The following TKT variants were observed in gnomAD, a reference collection of about 807,000 sequenced individuals.
TKT encodes the protein epididymis luminal protein 107.
In TKT, 47 loss-of-function variants were observed where a neutral mutation model predicts 63.9. The ratio of observed to expected loss-of-function variants is 0.74; its 90% confidence interval spans 0.58 to 0.94. TKT has a LOEUF of 0.94. Among genes scored for constraint, TKT ranks in the 40% least tolerant of loss-of-function variants. The probability of loss-of-function intolerance (pLI) is 0.00; values close to 1 mark genes in which losing one functional copy is unlikely to be tolerated. For missense variants in TKT, 721 were observed against 846.2 expected, an observed-to-expected ratio of 0.85 and a Z score of 1.84; for synonymous variants, 338 against 334.1, an observed-to-expected ratio of 1.01 and a Z score of -0.13.
At chr3:53,234,915 T>C (rs1553678130) in intron 5 of TKT, 68 bp downstream of exon 5, 3 of 1,486,162 alleles carry the variant, frequency 2.0e-6, no homozygotes, top group Non-Finnish European at 1.8e-6. Context: ...CACCTGCACC[T>C]GCAAAGCTGT....
chr3:53,250,091 G>A (rs1195250492), intron 1 of TKT, among the ~76,000 whole-genome samples: 4 of 152,206 alleles, frequency 2.6e-5, no homozygotes, highest in African/African-American at 9.7e-5. Flanking sequence ...GCCCTGCAGA[G>A]GAGAGGTCAC....
intron 5 of TKT, chr3:53,233,827 T>C (rs1027247621): frequency 3.9e-5 from 6 of 152,270 alleles, no homozygotes; most frequent in African/African-American, 9.7e-5. Context: ...AGAATAAAAA[T>C]AGCACTTCTC....
chr3:53,228,894 GC>G (rs1704618008), intron 10 of TKT, 112 bp downstream of exon 10: 4 of 1,448,656 alleles, frequency 2.8e-6, no homozygotes. Context: ...AACACCAGGG[GC>G]AAGGTCAGGA....
At chr3:53,228,669 T>C in intron 10 of TKT, 1 of 501,398 alleles carries the variant, frequency 2.0e-6, no homozygotes, top group Non-Finnish European at 3.6e-6. Flanking sequence ...GTCTGTGGCA[T>C]GCAGCTCCGG....
At chr3:53,245,306 C>CAAA (rs781814492) in intron 1 of TKT, among the ~76,000 whole-genome samples, 11 of 92,132 alleles carry the variant, frequency 1.2e-4, no homozygotes, top group African/African-American at 2.8e-4. Context: ...CACTCCATCT[C>CAAA]AAAAAAAAAA....
chr3:53,231,631 G>T, intron 6 of TKT, 81 bp from the exon 7 acceptor site: 1 of 1,428,928 alleles, frequency 7.0e-7, no homozygotes, highest in Non-Finnish European at 9.5e-7. Flanking sequence ...CAGGAGACTG[G>T]CCCTCTACCT....
intron 2 of TKT, 151 bp downstream of exon 2, chr3:53,241,974 A>G: frequency 1.4e-6 from 1 of 709,620 alleles, no homozygotes; most frequent in South Asian, 1.6e-5. Flanking sequence ...ACAGAGCAGG[A>G]CACTGAGGGA....
chr3:53,242,335 C>A (rs1203892830), intron 1 of TKT, 93 bp from the exon 2 acceptor site: 10 of 1,219,120 alleles, frequency 8.2e-6, no homozygotes, highest in Non-Finnish European at 1.1e-5. Context: ...GGGTGCATGT[C>A]CTGAGGAGTC....
intron 12 of TKT, 50 bp downstream of exon 12, chr3:53,228,006 A>C: frequency 6.6e-7 from 1 of 1,506,192 alleles, no homozygotes; most frequent in Non-Finnish European, 9.2e-7. Context: ...CCCAAGACCT[A>C]GCATGCAGTG....
chr3:53,233,389 C>A (rs368393061), intron 5 of TKT, 115 bp from the exon 6 acceptor site: 3 of 683,892 alleles, frequency 4.4e-6, no homozygotes, highest in African/African-American at 3.7e-5. Flanking sequence ...CACCCCACAA[C>A]TGCGGCCTCA....
In TKT at chr3:53,248,572, T is replaced by C. The variant is rs529778657; in HGVS notation, c.108-6330A>G. ...TGATCCCGGGAGGTTGAGGCTGCAG[T>C]GTGCCATGACTGTGCCATTGCACTC... On this transcript the variant is annotated intron_variant, in intron 1 of 13. Transcript: ENST00000462138. Among the ~76,000 whole-genome samples, 6 of 152,230 alleles carry C rather than the reference T, an allele frequency of 3.9e-5. No homozygotes were observed. In the South Asian group the frequency reaches 1.2e-3, roughly 32 times the overall value.
At chr3:53,234,805 C>A in intron 5 of TKT, 178 bp downstream of exon 5, 1 of 583,764 alleles carries the variant, frequency 1.7e-6, no homozygotes, top group Non-Finnish European at 2.8e-6. Flanking sequence ...CCCACATATC[C>A]TGAGCCATTA....
intron 1 of TKT, among the ~76,000 whole-genome samples, chr3:53,251,997 G>A (rs1045502258): frequency 1.8e-4 from 27 of 152,160 alleles, no homozygotes; most frequent in African/African-American, 6.5e-4. Context: ...AAAATTAGCC[G>A]GGCGTGGTGG....
At chr3:53,231,296 G>A in intron 7 of TKT, 61 bp downstream of exon 7, 1 of 1,579,808 alleles carries the variant, frequency 6.3e-7, no homozygotes, top group South Asian at 1.2e-5. Context: ...GGGTGTATCT[G>A]GGCCACAGAC....
chr3:53,240,140 T>C (rs1282535693), intron 4 of TKT, 111 bp downstream of exon 4: 2 of 1,044,004 alleles, frequency 1.9e-6, no homozygotes, highest in Non-Finnish European at 2.8e-6. Flanking sequence ...TATGTATTAC[T>C]CTGCCCTAGC....
rs377173277 is a variant in TKT, at chr3:53,235,129, G to A, written c.483C>T (p.Gly161=). The change falls in exon 5 of 14, where the codon GGC becomes GGT. Residue 161 remains glycine (G), a synonymous_variant. Transcript: ENST00000462138. ...CGAAGGCCATGGCCTCCCATACAGA[G>A]CCCTCTGACAGCTCCCCGTCTCCCA... ...CLLGDGELSE[G]SVWEAMAFAS... The A allele has an allele frequency of 2.5e-6, 4 of 1,613,320 alleles. No homozygotes were observed. Among genetic ancestry groups the A allele is most frequent in the African/African-American group, 2.7e-5 (2 of 74,930 alleles).
In TKT at chr3:53,231,393, G is replaced by A. The variant is rs1553676975; in HGVS notation, c.906C>T (p.Arg302=). Reference sequence around the variant, plus strand: ...CTTTGTAGCTGGGCAGGCTGGGCATGCGGATGTTGGCAATGTCCACTGAGG... The same window carrying A: ...CTTTGTAGCTGGGCAGGCTGGGCATACGGATGTTGGCAATGTCCACTGAGG... ...DAPSVDIANI[R]MPSLPSYKVG... is the part of the protein sequence containing the mutation. The change falls in exon 7 of 14, where the codon CGC becomes CGT. Residue 302 remains arginine (R), a synonymous_variant. Transcript: ENST00000462138. The A allele has an allele frequency of 6.2e-7, 1 of 1,613,898 alleles. No homozygotes were observed.
rs1050144921 is a variant in TKT at position 53,240,146 on chromosome 3, C to G, written c.437+105G>C. ...GGCCACGCATATGTATTACTCTGCCCTAGCCAGGAAAGAGGAAGAGTCTGG... is the reference window on the plus strand; with the variant it reads ...GGCCACGCATATGTATTACTCTGCCGTAGCCAGGAAAGAGGAAGAGTCTGG... On this transcript the variant is annotated intron_variant, in intron 4 of 13. Transcript: ENST00000462138. 2.8e-5 allele frequency: 31 copies of G among 1,125,624 alleles called. 1 individual carries two copies. In the South Asian group the frequency reaches 4.5e-4, roughly 16 times the overall value. The allele number at this position is 1,125,624 out of a possible 1,614,324, so 69.7% of individuals were successfully genotyped here.
chr3:53,242,334 T>C, intron 1 of TKT, 92 bp from the exon 2 acceptor site: 1 of 1,226,226 alleles, frequency 8.2e-7, no homozygotes, highest in Non-Finnish European at 1.2e-6. Flanking sequence ...GGGGTGCATG[T>C]CCTGAGGAGT....
Sources: allele counts gnomAD v4.1 joint callset (sites outside exome capture counted in the v4.1 genomes callset), GRCh38; gene constraint gnomAD v4.1.1; transcripts MANE v1.5; gene names NCBI Gene and HGNC (gene_info 2026-07-23, HGNC 2026-07-21).